Variants in MYO16 observed in about 807,000 individuals in gnomAD.
The protein encoded by MYO16 is unconventional myosin-XVI.
In MYO16, 94 loss-of-function variants were observed where a neutral mutation model predicts 205.3. The observed-to-expected ratio is 0.46, with a 90% CI of 0.39 to 0.54. MYO16 has a LOEUF of 0.54. MYO16 is among the 20% of genes least tolerant of loss of function. MYO16 has a pLI of 0.00. For missense variants in MYO16, 2,315 were observed against 2,387.5 expected (o/e 0.97, Z 0.63); for synonymous variants, 988 against 954.0 (o/e 1.04, Z -0.66).
rs911725733 is a variant in MYO16 at position 109,079,640 on chromosome 13, C to A, written c.3336-21145C>A. Among the ~76,000 whole-genome samples the A allele has an allele frequency of 7.2e-5, 11 of 152,212 alleles. No homozygotes were observed. The South Asian group carries it at 1.0e-3, about 14-fold the overall frequency. On this transcript the variant is annotated intron_variant, in intron 27 of 34. Transcript: ENST00000457511. ...CACGGGGCATGAGTGGAAAAACTACCTATCATGTAGTATGCTCACTATCTG... is the reference window on the plus strand; with the variant it reads ...CACGGGGCATGAGTGGAAAAACTACATATCATGTAGTATGCTCACTATCTG...
chr13:108,901,696 A>G (rs1880718966), intron 15 of MYO16, among the ~76,000 whole-genome samples: 1 of 152,122 alleles, frequency 6.6e-6, no homozygotes, highest in Non-Finnish European at 1.5e-5. Flanking sequence ...TTTAGTTCTT[A>G]TCACTTGTAT....
chr13:109,140,144 C>T lies in MYO16; in HGVS notation c.4052-120C>T. ...CCTAGTGGGTGGAGGAACATGCAGG[C>T]CCGGTCCCTTGGGATTCTCGGGGCA... On this transcript the variant is annotated intron_variant, in intron 31 of 34. Transcript: ENST00000457511. The surrounding 1 kb of genome is among the most constrained non-coding windows in gnomAD (Gnocchi z 8.0). 1.4e-6 allele frequency: 2 copies of T among 1,479,232 alleles called. No individual in the cohort carries two copies. Among genetic ancestry groups the T allele is most frequent in the Non-Finnish European group, 1.8e-6 (2 of 1,124,516 alleles). 91.6% of individuals were successfully genotyped at this position (1,479,232 alleles called of 1,614,324 possible). A position where few individuals can be genotyped will look rare whatever the true frequency, so the allele number is the denominator to read the frequency against.
the MYO16 span, among the ~76,000 whole-genome samples, chr13:108,574,325 A>G: frequency 5.3e-5 from 8 of 152,318 alleles, no homozygotes; most frequent in African/African-American, 1.9e-4. Flanking sequence ...AAGCAAGGAA[A>G]TGGGATGAAG....
the MYO16 span, among the ~76,000 whole-genome samples, chr13:108,500,212 TTTTTTTTTGTTTTTTTTTTG>T: frequency 1.7e-4 from 2 of 12,102 alleles, no homozygotes; most frequent in Admixed American, 1.2e-3. Context: ...TCCTGTTTTT[TTTTTTTTTGTTTTTTTTTTG>T]TTTTTTTTGT....
chr13:109,043,298 CA>C (rs1389454096), intron 23 of MYO16, among the ~76,000 whole-genome samples: 2 of 151,984 alleles, frequency 1.3e-5, no homozygotes, highest in African/African-American at 4.8e-5. Context: ...GCAGTTTTAC[CA>C]GGGAAGTTTG....
At chr13:108,794,269 TA>T (rs1400150580) in intron 6 of MYO16, among the ~76,000 whole-genome samples, 13 of 152,114 alleles carry the variant, frequency 8.5e-5, no homozygotes, top group Non-Finnish European at 1.9e-4. Flanking sequence ...ATCAAGCCAC[TA>T]AAACACACAA....
intron 1 of MYO16, among the ~76,000 whole-genome samples, chr13:108,631,319 G>T (rs1879970513): frequency 6.6e-6 from 1 of 152,200 alleles, no homozygotes; most frequent in African/African-American, 2.4e-5. Context: ...CAAAGGGACA[G>T]TGACATGGAC....
At chr13:108,502,924 T>C in the MYO16 span, among the ~76,000 whole-genome samples, 1 of 152,200 alleles carries the variant, frequency 6.6e-6, no homozygotes, top group East Asian at 1.9e-4. Flanking sequence ...ACAAATGAAA[T>C]TCGGCCTAAG....
the MYO16 span, among the ~76,000 whole-genome samples, chr13:108,548,419 G>GGAT: frequency 0.061 from 8,238 of 135,000 alleles, 697 homozygotes; most frequent in African/African-American, 0.19. Flanking sequence ...GTGGTGAGGA[G>GGAT]GATGATGATG....
At chr13:108,748,748 A>C (rs1252555135) in intron 4 of MYO16, among the ~76,000 whole-genome samples, 2 of 152,152 alleles carry the variant, frequency 1.3e-5, no homozygotes, top group Non-Finnish European at 2.9e-5. Flanking sequence ...TTAAATAAAC[A>C]GTCCTGAAAC....
chr13:109,044,737 T>A (rs1886985818), intron 23 of MYO16, among the ~76,000 whole-genome samples: 1 of 152,210 alleles, frequency 6.6e-6, no homozygotes, highest in Non-Finnish European at 1.5e-5. Flanking sequence ...GTTTTTGGTC[T>A]ACAAAGCAAT....
intron 3 of MYO16, among the ~76,000 whole-genome samples, chr13:108,724,303 A>AT (rs988114105): frequency 1.8e-4 from 28 of 152,180 alleles, no homozygotes; most frequent in African/African-American, 6.5e-4. Flanking sequence ...CTTCTTATTC[A>AT]TTCCTTTTTG....
chr13:109,033,463 T>C (rs557183876), intron 23 of MYO16, among the ~76,000 whole-genome samples: 3 of 152,208 alleles, frequency 2.0e-5, no homozygotes, highest in Non-Finnish European at 2.9e-5. Flanking sequence ...TAAACAGTGC[T>C]GTGCAGCATC....
intron 1 of MYO16, among the ~76,000 whole-genome samples, chr13:108,624,306 C>T (rs557650938): frequency 3.1e-4 from 47 of 152,222 alleles, no homozygotes; most frequent in African/African-American, 2.4e-4. Flanking sequence ...AAACTTGCTT[C>T]GTCATCAATA....
chr13:108,978,936 T>A (rs540025930), intron 20 of MYO16, among the ~76,000 whole-genome samples: 15 of 151,970 alleles, frequency 9.9e-5, no homozygotes, highest in Non-Finnish European at 1.9e-4. Context: ...TTCATCCACT[T>A]TGATATTTTT....
chr13:109,009,897 A>G (rs1474156759), intron 22 of MYO16, among the ~76,000 whole-genome samples: 1 of 152,158 alleles, frequency 6.6e-6, no homozygotes, highest in Non-Finnish European at 1.5e-5. Flanking sequence ...ATAACCTATA[A>G]TTATTTAAGG....
intron 27 of MYO16, among the ~76,000 whole-genome samples, chr13:109,073,501 T>C (rs1400174764): frequency 6.6e-6 from 1 of 152,154 alleles, no homozygotes; most frequent in African/African-American, 2.4e-5. Flanking sequence ...AGTGTACATT[T>C]TCATCTTTGT....
chr13:109,176,596 A>AAAAAAAAAAAAAAAAAAAAAAAAAAC (rs1879197229), intron 33 of MYO16, among the ~76,000 whole-genome samples: 1 of 149,230 alleles, frequency 6.7e-6, no homozygotes, highest in Admixed American at 6.7e-5. Context: ...AAAAAAAAAA[A>AAAAAAAAAAAAAAAAAAAAAAAAAAC]AAAAAGACCT....
intron 21 of MYO16, among the ~76,000 whole-genome samples, chr13:109,004,474 ATAGTT>A (rs951427574): frequency 6.6e-6 from 1 of 152,232 alleles, no homozygotes; most frequent in African/African-American, 2.4e-5. Flanking sequence ...GCAAAGTGAA[ATAGTT>A]TAAACAGTTT....
Sources: allele counts gnomAD v4.1 joint callset (sites outside exome capture counted in the v4.1 genomes callset), GRCh38; gene constraint gnomAD v4.1.1; non-coding constraint Gnocchi (gnomAD v3.1); transcripts MANE v1.5; gene names NCBI Gene and HGNC (gene_info 2026-07-23, HGNC 2026-07-21).